The following TP63 variants were observed in gnomAD, a reference collection of about 807,000 sequenced individuals.
TP63 encodes the protein tumor protein 63.
In TP63, 17 loss-of-function variants were observed where a neutral mutation model predicts 82.8. The observed-to-expected ratio is 0.21, with a 90% CI of 0.14 to 0.31. TP63 has a LOEUF of 0.31. TP63 is among the 10% of genes least tolerant of loss of function. The pLI is 1.00. For synonymous variants in TP63, 330 were observed against 321.7 expected (o/e 1.03, Z -0.28); for missense variants, 648 against 895.3 (o/e 0.72, Z 3.52).
chr3:189,837,337 T>C (rs1034539310), intron 4 of TP63, among the ~76,000 whole-genome samples: 2 of 148,260 alleles, frequency 1.3e-5, no homozygotes, highest in African/African-American at 2.5e-5. Context: ...GTTGTTATCA[T>C]CCTGGCAATC....
chr3:189,656,385 G>T (rs995131744), intron 1 of TP63, among the ~76,000 whole-genome samples: 39 of 152,216 alleles, frequency 2.6e-4, no homozygotes, highest in African/African-American at 9.4e-4. Flanking sequence ...GAGGCAAAAT[G>T]GTCTTATATA....
chr3:189,791,261 G>A (rs1304088939), intron 3 of TP63, among the ~76,000 whole-genome samples: 1 of 152,068 alleles, frequency 6.6e-6, no homozygotes, highest in Non-Finnish European at 1.5e-5. Flanking sequence ...AAGCCGCCTA[G>A]GATCTTGTAA....
the TP63 span, among the ~76,000 whole-genome samples, chr3:189,611,111 A>G: frequency 1.3e-5 from 2 of 152,132 alleles, no homozygotes; most frequent in Non-Finnish European, 2.9e-5. Flanking sequence ...AACTCTATTG[A>G]TAGTTTCTTT....
At chr3:189,721,001 A>G (rs1719349643) in intron 1 of TP63, among the ~76,000 whole-genome samples, 1 of 152,178 alleles carries the variant, frequency 6.6e-6, no homozygotes. Flanking sequence ...CATGTCCATA[A>G]AGGCATTTGC....
At chr3:189,693,236 T>C (rs1414042413) in intron 1 of TP63, among the ~76,000 whole-genome samples, 1 of 152,192 alleles carries the variant, frequency 6.6e-6, no homozygotes, top group African/African-American at 2.4e-5. Context: ...CAAAGTGATT[T>C]ATAAAGTATA....
chr3:189,854,305 AC>A (rs1185271876), intron 4 of TP63, among the ~76,000 whole-genome samples: 1 of 152,162 alleles, frequency 6.6e-6, no homozygotes. Context: ...ATCTCAGCTC[AC>A]GGCGACCCCC....
intron 13 of TP63, among the ~76,000 whole-genome samples, chr3:189,892,079 T>A (rs1721081552): frequency 6.6e-6 from 1 of 152,186 alleles, no homozygotes; most frequent in South Asian, 2.1e-4. Flanking sequence ...AGGGAAAGCT[T>A]TAAGAGTAAG....
In TP63 at chr3:189,732,662, A is replaced by AAG. The variant is rs1720259427; in HGVS notation, c.63-5077_63-5076dup. ...GCATAGTTGAAGAAACTAAGGTTCA[A>AAG]AGGCATTGAGTAACTTGGCCATGGC... On this transcript the variant is annotated intron_variant, in intron 1 of 13. Transcript: ENST00000264731. Among the ~76,000 whole-genome samples, 3 of 152,338 alleles carry AAG rather than the reference A, an allele frequency of 2.0e-5. No individual in the cohort carries two copies. The South Asian group carries it at 6.2e-4, about 32-fold the overall frequency.
rs547575617 is a variant in TP63 at position 189,788,583 on chromosome 3, G to A, written c.325-19689G>A. ...AGAGGAAATTGGGTCCCTGAGTGGG[G>A]GGTGGGGGTGTAGGATGATGTCAAG... On this transcript the variant is annotated intron_variant, in intron 3 of 13. Coordinates refer to ENST00000264731, the MANE Select transcript of TP63 (RefSeq NM_003722.5). Among the ~76,000 whole-genome samples the A allele has an allele frequency of 2.0e-5, 3 of 151,818 alleles. No homozygotes were observed. The South Asian group carries it at 6.2e-4, about 32-fold the overall frequency.
At chr3:189,621,750 A>G in the TP63 span, among the ~76,000 whole-genome samples, 2 of 152,158 alleles carry the variant, frequency 1.3e-5, no homozygotes, top group African/African-American at 2.4e-5. Flanking sequence ...TGCAATTATT[A>G]TAACAATACT....
intron 4 of TP63, among the ~76,000 whole-genome samples, chr3:189,812,241 T>C (rs1375429713): frequency 6.6e-6 from 1 of 152,200 alleles, no homozygotes; most frequent in Non-Finnish European, 1.5e-5. Context: ...TCCTTTGCGT[T>C]TCTGTGTTTT....
intron 1 of TP63, among the ~76,000 whole-genome samples, chr3:189,637,627 T>C: frequency 6.6e-6 from 1 of 152,126 alleles, no homozygotes; most frequent in East Asian, 1.9e-4. Flanking sequence ...ACACAAAACA[T>C]AGCATTTTAT....
chr3:189,778,615 T>A (rs1194410050), intron 3 of TP63, among the ~76,000 whole-genome samples: 1 of 152,236 alleles, frequency 6.6e-6, no homozygotes, highest in Non-Finnish European at 1.5e-5. Flanking sequence ...AACTTATTAT[T>A]GTTGCTAAAT....
At chr3:189,884,540 C>T (rs1231748179) in intron 10 of TP63, among the ~76,000 whole-genome samples, 1 of 152,184 alleles carries the variant, frequency 6.6e-6, no homozygotes, top group Non-Finnish European at 1.5e-5. Flanking sequence ...TCCATCTCTG[C>T]CCTGCTATAC....
chr3:189,835,017 T>C (rs1466043908), intron 4 of TP63, among the ~76,000 whole-genome samples: 2 of 152,026 alleles, frequency 1.3e-5, no homozygotes, highest in African/African-American at 2.4e-5. Flanking sequence ...CCTGATCTTA[T>C]GGATCGTCCG....
chr3:189,759,807 C>T (rs1446980347), intron 3 of TP63, among the ~76,000 whole-genome samples: 1 of 152,160 alleles, frequency 6.6e-6, no homozygotes, highest in East Asian at 1.9e-4. Context: ...TTTCATGCTG[C>T]TGATAAAGAC....
chr3:189,880,406 A>G, intron 10 of TP63: 1 of 1,139,436 alleles, frequency 8.8e-7, no homozygotes, highest in South Asian at 4.0e-5. Flanking sequence ...TTGTATCCTT[A>G]GACCGGCCAT....
At chr3:189,734,254 C>A (rs1311935349) in intron 1 of TP63, among the ~76,000 whole-genome samples, 2 of 150,110 alleles carry the variant, frequency 1.3e-5, no homozygotes, top group Non-Finnish European at 3.0e-5. Flanking sequence ...ACACTGCCAC[C>A]TCTGCCTCTT....
intron 1 of TP63, among the ~76,000 whole-genome samples, chr3:189,679,121 T>G (rs1412909617): frequency 2.0e-5 from 3 of 152,078 alleles, no homozygotes; most frequent in African/African-American, 7.2e-5. Context: ...CTCTTCAAGT[T>G]ACTGATTTCA....
Sources: gnomAD v4.1 joint callset for allele counts (sites outside exome capture counted in the v4.1 genomes callset) on GRCh38, gnomAD v4.1.1 for gene constraint, MANE v1.5 for transcripts, NCBI Gene and HGNC (gene_info 2026-07-23, HGNC 2026-07-21) for gene names.